The following CEP83 variants were observed in gnomAD, a reference collection of about 807,000 sequenced individuals.
CEP83 encodes centrosomal protein 83.
CEP83 carries 70 observed loss-of-function variants against 101.9 expected under a neutral mutation model. The ratio of observed to expected loss-of-function variants is 0.69; its 90% CI spans 0.57 to 0.84. CEP83 has a LOEUF of 0.84. Among genes scored for constraint, CEP83 ranks in the 40% least tolerant of loss-of-function variants. The pLI is 0.00. For missense variants in CEP83, 715 were observed against 787.2 expected, an observed-to-expected ratio of 0.91 and a Z score of 1.10; for synonymous variants, 264 against 267.9, an observed-to-expected ratio of 0.99 and a Z score of 0.14.
At chr12:94,279,764 C>T in the CEP83 span, 4 of 928,782 alleles carry the variant, frequency 4.3e-6, no homozygotes, top group Non-Finnish European at 6.8e-6. Context: ...GTGACACTTA[C>T]ACAGCCAGGT....
the CEP83 span, chr12:94,300,988 C>A: frequency 6.2e-7 from 1 of 1,613,788 alleles, no homozygotes; most frequent in Non-Finnish European, 8.5e-7. Flanking sequence ...CACATATAGA[C>A]GGCTGTTTGT....
At chr12:94,321,912 A>T (rs2058762514) in intron 14 of CEP83, among the ~76,000 whole-genome samples, 1 of 152,134 alleles carries the variant, frequency 6.6e-6, no homozygotes, top group African/African-American at 2.4e-5. Flanking sequence ...ACTTTTCCAT[A>T]GGGCTGCTAC....
chr12:94,304,931 G>A (rs1031255152), downstream of CEP83, among the ~76,000 whole-genome samples: 8 of 152,212 alleles, frequency 5.3e-5, no homozygotes, highest in African/African-American at 1.7e-4. Flanking sequence ...GCAGGGCCTA[G>A]GAAGCCTGGC....
At chr12:94,333,207 A>G (rs2059309976) in intron 13 of CEP83, among the ~76,000 whole-genome samples, 1 of 152,136 alleles carries the variant, frequency 6.6e-6, no homozygotes, top group South Asian at 2.1e-4. Context: ...TTTTGGTTTA[A>G]TCAATGAATA....
intron 11 of CEP83, among the ~76,000 whole-genome samples, chr12:94,345,110 C>T (rs1426849476): frequency 6.6e-6 from 1 of 152,116 alleles, no homozygotes; most frequent in African/African-American, 2.4e-5. Flanking sequence ...TACCTTACAC[C>T]ACATAAAAGT....
the CEP83 span, among the ~76,000 whole-genome samples, chr12:94,295,976 C>A: frequency 2.0e-5 from 3 of 152,230 alleles, no homozygotes; most frequent in Non-Finnish European, 2.9e-5. Flanking sequence ...CACCTGCCTT[C>A]TTCCTTGATG....
intron 1 of CEP83, among the ~76,000 whole-genome samples, chr12:94,456,998 GTATGT>G (rs2138674756): frequency 6.6e-6 from 1 of 152,196 alleles, no homozygotes; most frequent in East Asian, 1.9e-4. Flanking sequence ...CTATTCCTAT[GTATGT>G]ATGTATGAGG....
upstream of CEP83, chr12:94,460,036 C>T (rs907093148): frequency 7.9e-5 from 12 of 152,544 alleles, no homozygotes; most frequent in African/African-American, 2.9e-4. Context: ...CTGCCGGAGC[C>T]GTTAGAGGGA....
chr12:94,376,732 C>CACACACAT (rs1034102363), intron 7 of CEP83, among the ~76,000 whole-genome samples: 8 of 95,022 alleles, frequency 8.4e-5, no homozygotes, highest in African/African-American at 1.5e-4. Flanking sequence ...CACACACACA[C>CACACACAT]ATATATATAT....
Position 94,370,018 on chromosome 12 carries a change from A to C in CEP83, c.952T>G (p.Ser318Ala). The change falls in exon 9 of 17, where the codon TCA (serine) becomes GCA (alanine). Residue 318 changes from serine (S) to alanine (A), a missense_variant. Transcript: ENST00000397809. ...ATGTCTGTTATTTCCAGTTTGTTTG[A>C]ATGTTTAAGTTCTTTTACCTGTTGA... Reference protein sequence around the residue: ...LSSKVKELKHSNKLEITDIKL... With the variant: ...LSSKVKELKHANKLEITDIKL... 1 of 1,601,726 alleles carries C rather than the reference A, an allele frequency of 6.2e-7. No homozygotes were observed. The highest frequency in any genetic ancestry group is 8.6e-7 in the Non-Finnish European group (1 of 1,169,476).
intron 1 of CEP83, among the ~76,000 whole-genome samples, chr12:94,445,921 C>T (rs73218277): frequency 0.07 from 10,608 of 152,170 alleles, 459 homozygotes; most frequent in Non-Finnish European, 0.093. Context: ...AACCCTAGAG[C>T]AGGCTGGAAA....
the CEP83 span, among the ~76,000 whole-genome samples, chr12:94,274,029 G>C: frequency 6.6e-6 from 1 of 151,848 alleles, no homozygotes; most frequent in African/African-American, 2.4e-5. Flanking sequence ...TGTTTGGATA[G>C]AAGACTTCCA....
At chr12:94,377,527 C>T (rs1331811023) in intron 7 of CEP83, among the ~76,000 whole-genome samples, 1 of 152,106 alleles carries the variant, frequency 6.6e-6, no homozygotes, top group Non-Finnish European at 1.5e-5. Context: ...GGGAAAAAAA[C>T]TATTTTCTTC....
intron 2 of CEP83, among the ~76,000 whole-genome samples, chr12:94,414,404 TCCCAA>T (rs1179228507): frequency 3.9e-5 from 6 of 152,156 alleles, no homozygotes; most frequent in African/African-American, 1.2e-4. Flanking sequence ...GCTACAGCCA[TCCCAA>T]CCTTCAGCAA....
At chr12:94,419,068 CTT>C (rs1012314020) in intron 2 of CEP83, among the ~76,000 whole-genome samples, 21 of 151,298 alleles carry the variant, frequency 1.4e-4, no homozygotes, top group Non-Finnish European at 1.6e-4. Context: ...AAAAAAAAAT[CTT>C]TATATACACA....
At chr12:94,334,052 TA>T (rs199716275) in intron 12 of CEP83, among the ~76,000 whole-genome samples, 13,913 of 147,218 alleles carry the variant, frequency 0.095, 778 homozygotes, top group African/African-American at 0.17. Context: ...GGAAAGCAGC[TA>T]AAAAAAAAAA....
intron 11 of CEP83, among the ~76,000 whole-genome samples, chr12:94,355,730 C>T (rs1269661668): frequency 1.3e-5 from 2 of 152,212 alleles, no homozygotes; most frequent in Non-Finnish European, 2.9e-5. Flanking sequence ...GGGCAAGGAA[C>T]ACCTGGCCCG....
chr12:94,389,845 C>A (rs1341441499), intron 6 of CEP83, among the ~76,000 whole-genome samples: 1 of 152,242 alleles, frequency 6.6e-6, no homozygotes, highest in Non-Finnish European at 1.5e-5. Context: ...GGTCCCACGC[C>A]CACGGAGCCT....
At chr12:94,381,177 T>C (rs1475125527) in intron 6 of CEP83, among the ~76,000 whole-genome samples, 1 of 152,222 alleles carries the variant, frequency 6.6e-6, no homozygotes, top group Admixed American at 6.5e-5. Flanking sequence ...ACACCACTTG[T>C]GTCCCAGACA....
Sources: allele counts gnomAD v4.1 joint callset (sites outside exome capture counted in the v4.1 genomes callset), GRCh38; gene constraint gnomAD v4.1.1; transcripts MANE v1.5; gene names NCBI Gene and HGNC (gene_info 2026-07-23, HGNC 2026-07-21).